The following PPP1R8 variants were observed in gnomAD, a reference collection of about 807,000 sequenced individuals.
PPP1R8 encodes the protein nuclear inhibitor of protein phosphatase 1.
Under a neutral mutation model 31.3 loss-of-function variants are expected in PPP1R8, and 4 were observed. The observed-to-expected ratio is 0.13, with a 90% CI of 0.06 to 0.29. The LOEUF (loss-of-function observed/expected upper bound fraction) is 0.29. Among genes scored for constraint, PPP1R8 ranks in the 10% least tolerant of loss-of-function variants. The pLI is 1.00. For missense variants in PPP1R8, 254 were observed against 440.1 expected (o/e 0.58, Z 3.78); for synonymous variants, 170 against 169.7 (o/e 1.00, Z -0.01).
chr1:27,830,896 G>C lies in PPP1R8; in HGVS notation c.56+5G>C, dbSNP rs753018874. On this transcript the variant is annotated splice_donor_5th_base_variant and intron_variant, in intron 1 of 6. Coordinates refer to ENST00000311772, the MANE Select transcript of PPP1R8 (RefSeq NM_014110.5). ...GCTGTTCGACTGCCCAACCTGGTGA[G>C]TGGCGGGGCGGCCAGGGCTAGAGTG... The C allele has an allele frequency of 6.4e-7, 1 of 1,564,822 alleles. No individual in the cohort carries two copies. Among genetic ancestry groups the C allele is most frequent in the Non-Finnish European group, 8.7e-7 (1 of 1,155,548 alleles).
At chr1:27,838,973 C>A in intron 3 of PPP1R8, 121 bp downstream of exon 3, 1 of 1,028,068 alleles carries the variant, frequency 9.7e-7, no homozygotes, top group Non-Finnish European at 1.4e-6. Flanking sequence ...TAAATCCACC[C>A]TTCTCTATTT....
chr1:27,840,957 C>T (rs1297737337), intron 3 of PPP1R8, 57 bp from the exon 4 acceptor site: 1 of 1,567,132 alleles, frequency 6.4e-7, no homozygotes, highest in Non-Finnish European at 8.8e-7. Flanking sequence ...ACTCTTCCTT[C>T]TAAAACTCAG....
At chr1:27,838,526 T>C (rs1305301054) in intron 2 of PPP1R8, among the ~76,000 whole-genome samples, 173 bp from the exon 3 acceptor site, 2 of 152,166 alleles carry the variant, frequency 1.3e-5, no homozygotes, top group Non-Finnish European at 2.9e-5. Context: ...ATGGGAGATA[T>C]TTTTTTCTCC....
intron 3 of PPP1R8, among the ~76,000 whole-genome samples, chr1:27,839,094 G>T (rs906278694): frequency 3.9e-5 from 6 of 152,094 alleles, no homozygotes; most frequent in African/African-American, 1.4e-4. Context: ...CTGGATGTGG[G>T]GGCTCACATC....
intron 1 of PPP1R8, chr1:27,831,233 T>C: frequency 9.4e-7 from 1 of 1,059,106 alleles, no homozygotes; most frequent in Non-Finnish European, 1.1e-6. Context: ...GAGCATCGCA[T>C]CTGGCCCCTT....
At chr1:27,849,790 T>C (rs574068783) in intron 6 of PPP1R8, among the ~76,000 whole-genome samples, 3 of 152,150 alleles carry the variant, frequency 2.0e-5, no homozygotes, top group Admixed American at 6.5e-5. Flanking sequence ...TTAGGATAAA[T>C]TAAATTGATA....
Position 27,847,011 on chromosome 1 carries a change from C to G in PPP1R8, c.638-17C>G. ...AGTAAAGTACCAACCCAACCCTGCCCTCTTCTCTTTTTGCAGAGGATGTGG... is the reference window on the plus strand; with the variant it reads ...AGTAAAGTACCAACCCAACCCTGCCGTCTTCTCTTTTTGCAGAGGATGTGG... On this transcript the variant is annotated splice_polypyrimidine_tract_variant and intron_variant, in intron 5 of 6. Coordinates refer to ENST00000311772, the MANE Select transcript of PPP1R8 (RefSeq NM_014110.5). The G allele has an allele frequency of 6.2e-7, 1 of 1,612,942 alleles. No individual in the cohort carries two copies. The highest frequency in any genetic ancestry group is 8.5e-7 in the Non-Finnish European group (1 of 1,178,928).
At chr1:27,836,217 AC>A (rs1401558310) in intron 2 of PPP1R8, among the ~76,000 whole-genome samples, 1 of 152,188 alleles carries the variant, frequency 6.6e-6, no homozygotes, top group Non-Finnish European at 1.5e-5. Flanking sequence ...AACACAACAT[AC>A]CCAAATGAGA....
In PPP1R8 at chr1:27,850,482, G is replaced by GGGGGGA; in HGVS notation, c.*36_*37insGGGGGA. Reference sequence around the variant, plus strand: ...CATGGAGAAGGGTGGGATTGGGTGGGAATGGGGTGGAAGGGTGATGGGGAG... The same window carrying GGGGGGA: ...CATGGAGAAGGGTGGGATTGGGTGGGGGGGGAAATGGGGTGGAAGGGTGATGGGGAG... On this transcript the variant is annotated 3_prime_UTR_variant, in exon 7 of 7. Transcript: ENST00000311772. The GGGGGGA allele has an allele frequency of 2.0e-6, 1 of 511,078 alleles. No homozygotes were observed. The highest frequency in any genetic ancestry group is 4.4e-5 in the East Asian group (1 of 22,556). The allele number at this position is 511,078 out of a possible 1,614,324, so 31.7% of individuals were successfully genotyped here.
chr1:27,846,156 G>T (rs1159063390), intron 5 of PPP1R8, among the ~76,000 whole-genome samples: 7 of 152,210 alleles, frequency 4.6e-5, no homozygotes, highest in African/African-American at 1.7e-4. Flanking sequence ...TTAGGGAAAT[G>T]ATTCCTTCTC....
At chr1:27,832,857 A>G (rs1438290412) in intron 2 of PPP1R8, 41 bp downstream of exon 2, 8 of 1,533,602 alleles carry the variant, frequency 5.2e-6, no homozygotes, top group Non-Finnish European at 7.2e-6. Context: ...TGCCACACTA[A>G]AGATTTTTGC....
intron 5 of PPP1R8, among the ~76,000 whole-genome samples, chr1:27,846,812 CA>C (rs1291713035): frequency 3.9e-5 from 6 of 152,230 alleles, no homozygotes; most frequent in Admixed American, 3.9e-4. Context: ...CTCCAAGCCT[CA>C]GTTTGCTTTC....
intron 6 of PPP1R8, among the ~76,000 whole-genome samples, chr1:27,849,161 C>T (rs1337101464): frequency 1.3e-5 from 2 of 152,122 alleles, no homozygotes. Context: ...CACCTGAGGT[C>T]CGGAGTTCAA....
At chr1:27,831,257 A>G in intron 1 of PPP1R8, 1 of 1,013,636 alleles carries the variant, frequency 9.9e-7, no homozygotes, top group Non-Finnish European at 1.2e-6. Flanking sequence ...GTACGTCCCG[A>G]GCGCGCTCGA....
At chr1:27,832,128 T>C (rs1287466437) in intron 1 of PPP1R8, among the ~76,000 whole-genome samples, 24 of 152,238 alleles carry the variant, frequency 1.6e-4, no homozygotes, top group Admixed American at 1.6e-3. Context: ...TTAGGTGCTT[T>C]GACATATGAG....
chr1:27,851,329 C>G lies in PPP1R8; in HGVS notation c.*883C>G, dbSNP rs1213780484. On this transcript the variant is annotated 3_prime_UTR_variant, in exon 7 of 7. Transcript: ENST00000311772. ...TTAGATGTCAGTTTGGAGGCTCTTT[C>G]CCCCCTCAATTGAGAGCTCTTGTTA... 3.2e-6 allele frequency: 1 copy of G among 307,706 alleles called. No homozygotes were observed. Among genetic ancestry groups the G allele is most frequent in the Non-Finnish European group, 6.5e-6 (1 of 153,290 alleles). 19.1% of individuals were successfully genotyped at this position (307,706 alleles called of 1,614,324 possible).
intron 5 of PPP1R8, among the ~76,000 whole-genome samples, chr1:27,845,788 T>TTTTTTTTTTTTTA (rs2089273226): frequency 7.8e-6 from 1 of 128,182 alleles, no homozygotes; most frequent in African/African-American, 3.5e-5. Flanking sequence ...TCTTTCTTTT[T>TTTTTTTTTTTTTA]TTTTTTTTTT....
chr1:27,843,120 T>A, intron 4 of PPP1R8, 66 bp from the exon 5 acceptor site: 2 of 1,589,196 alleles, frequency 1.3e-6, no homozygotes, highest in Non-Finnish European at 1.7e-6. Context: ...CTTTATTTAG[T>A]ATGATTTTCT....
At chr1:27,847,862 A>C (rs2089300787) in intron 6 of PPP1R8, among the ~76,000 whole-genome samples, 1 of 152,242 alleles carries the variant, frequency 6.6e-6, no homozygotes, top group Admixed American at 6.5e-5. Flanking sequence ...GTACCACAGA[A>C]AGGCTGTAGA....
Sources: allele counts gnomAD v4.1 joint callset (sites outside exome capture counted in the v4.1 genomes callset), GRCh38; gene constraint gnomAD v4.1.1; transcripts MANE v1.5; gene names NCBI Gene and HGNC (gene_info 2026-07-23, HGNC 2026-07-21).